GCLC: variants seen among roughly 807,000 people sequenced by gnomAD.
GCLC encodes the protein glutamate-cysteine ligase catalytic subunit, also known as glutamate--cysteine ligase catalytic subunit.
In GCLC, 30 loss-of-function variants were observed where a neutral mutation model predicts 81.5. The observed-to-expected ratio is 0.37, with a 90% CI of 0.28 to 0.50. GCLC has a LOEUF of 0.50. Among genes scored for constraint, GCLC ranks in the 20% least tolerant of loss-of-function variants. The pLI, the probability that GCLC is intolerant of heterozygous loss-of-function variation, is 0.96. For synonymous variants in GCLC, 262 were observed against 273.3 expected (o/e 0.96, Z 0.41); for missense variants, 556 against 777.4 (o/e 0.72, Z 3.39).
intron 1 of GCLC, among the ~76,000 whole-genome samples, chr6:53,537,283 A>C (rs1381487981): frequency 3.9e-5 from 6 of 151,998 alleles, no homozygotes; most frequent in Non-Finnish European, 8.9e-5. Flanking sequence ...GGGGGTGGGT[A>C]GGGGTTAACG....
At chr6:53,543,502 C>T (rs556291991) in intron 1 of GCLC, among the ~76,000 whole-genome samples, 3 of 151,284 alleles carry the variant, frequency 2.0e-5, no homozygotes, top group South Asian at 4.2e-4. Context: ...TGTAACAGCA[C>T]GTCAGCACTT....
At chr6:53,525,056 A>G (rs1408518134) in intron 1 of GCLC, among the ~76,000 whole-genome samples, 1 of 152,264 alleles carries the variant, frequency 6.6e-6, no homozygotes, top group African/African-American at 2.4e-5. Context: ...AAAACATCAG[A>G]ATATTTACCA....
chr6:53,535,419 C>T (rs1763241716), intron 1 of GCLC, among the ~76,000 whole-genome samples: 1 of 152,062 alleles, frequency 6.6e-6, no homozygotes, highest in African/African-American at 2.4e-5. Context: ...GAGGCTGAAG[C>T]AGGAGAATCA....
At chr6:53,541,680 T>C (rs1383872970) in intron 1 of GCLC, among the ~76,000 whole-genome samples, 1 of 152,006 alleles carries the variant, frequency 6.6e-6, no homozygotes, top group African/African-American at 2.4e-5. Context: ...AAAGGATAGA[T>C]CATAAAACAG....
intron 3 of GCLC, 25 bp from the exon 4 acceptor site, chr6:53,516,247 A>G (rs751248766): frequency 3.9e-5 from 54 of 1,385,624 alleles, no homozygotes; most frequent in Admixed American, 2.3e-4. Flanking sequence ...AGAACTAAAT[A>G]GATGGGATTT....
intron 1 of GCLC, among the ~76,000 whole-genome samples, chr6:53,539,474 C>A (rs572391860): frequency 6.6e-6 from 1 of 152,300 alleles, no homozygotes; most frequent in South Asian, 2.1e-4. Context: ...TGGATGAGAA[C>A]ACAAACTGAA....
chr6:53,515,997 G>C (rs1764863700), intron 4 of GCLC, 112 bp downstream of exon 4: 8 of 714,386 alleles, frequency 1.1e-5, no homozygotes, highest in Middle Eastern at 2.6e-4. Flanking sequence ...CTTAGGAAGA[G>C]AGCCAAAACT....
Position 53,498,898 on chromosome 6 carries a change from C to T in GCLC, c.1772G>A (p.Ser591Asn), listed in dbSNP as rs755261110. 12 of 1,613,052 alleles carry T rather than the reference C, an allele frequency of 7.4e-6. No individual in the cohort carries two copies. In the South Asian group the frequency reaches 1.1e-4, roughly 15 times the overall value. Residue 591 changes from serine to asparagine, a missense_variant, in exon 16 of 16, where the codon AGT becomes AAT. This residue lies in a region of GCLC where 313 missense variants were observed against 437.3 expected (regional missense o/e 0.72). Transcript: ENST00000650454. ...ATAATTCATTTCATCAGTTATGACA[C>T]TGTCTTGCTTGTAGTCAGGATGGTT... ...IANHPDYKQD[S>N]VITDEMNYSL...
At position 53,544,600 on chromosome 6, in the gene GCLC, T is replaced by C. The variant is rs1462930716; in HGVS notation, c.46A>G (p.Lys16Glu). The C allele has an allele frequency of 6.2e-7, 1 of 1,604,096 alleles. No homozygotes were observed. Among genetic ancestry groups the C allele is most frequent in the Non-Finnish European group, 8.5e-7 (1 of 1,179,566 alleles). ...CGCCGCACGTGGTCGGCATGGCGCT[T>C]GGTTTCCTCCCAGCTCAGCGGCGAG... ...QGSPLSWEETKRHADHVRRHG... is the reference protein window; with the variant it reads ...QGSPLSWEETERHADHVRRHG... Residue 16 changes from lysine (K) to glutamate (E), a missense_variant, in exon 1 of 16, where the codon AAG (lysine) becomes GAG (glutamate). This residue lies in a region of GCLC where 234 missense variants were observed against 303.8 expected (regional missense o/e 0.77). Coordinates refer to ENST00000650454, the MANE Select transcript of GCLC (RefSeq NM_001498.4).
intron 1 of GCLC, among the ~76,000 whole-genome samples, chr6:53,532,120 T>C (rs1010371025): frequency 3.2e-4 from 48 of 152,252 alleles, no homozygotes; most frequent in African/African-American, 1.2e-3. Context: ...CTTTCTAAAA[T>C]TGACTATCTG....
chr6:53,516,620 T>C (rs1191212774), intron 3 of GCLC, among the ~76,000 whole-genome samples: 2 of 152,120 alleles, frequency 1.3e-5, no homozygotes, highest in Non-Finnish European at 2.9e-5. Flanking sequence ...TCCTTTTCCA[T>C]CTCTAAACTC....
chr6:53,531,517 A>G (rs1561949973), intron 1 of GCLC, among the ~76,000 whole-genome samples: 1 of 152,148 alleles, frequency 6.6e-6, no homozygotes, highest in Non-Finnish European at 1.5e-5. Flanking sequence ...TCCCTCCTAA[A>G]GAGCATTAGG....
chr6:53,535,700 G>A (rs538728439), intron 1 of GCLC, among the ~76,000 whole-genome samples: 5 of 152,016 alleles, frequency 3.3e-5, no homozygotes, highest in South Asian at 2.1e-4. Context: ...ATGACAAATC[G>A]GCACATAAAA....
In GCLC at chr6:53,507,563, C is replaced by T. The variant is rs748005116; in HGVS notation, c.1001G>A (p.Ser334Asn). The T allele has an allele frequency of 1.9e-6, 3 of 1,585,172 alleles. No individual in the cohort carries two copies. The South Asian group carries it at 3.3e-5, about 18-fold the overall frequency. The change falls in exon 9 of 16, where the codon AGC becomes AAC. Residue 334 changes from serine to asparagine, a missense_variant. Ser to Asn is a conservative substitution (Grantham distance 46). Around this residue, in one of 3 missense-constraint regions of GCLC, gnomAD observed 313 missense variants for 437.3 expected, o/e 0.72. Transcript: ENST00000650454. ...TTTCTCACCACACTTAGATAAATAG[C>T]TGTCTATTGAGTCATATCGGGATTT... ...ISKSRYDSID[S>N]YLSKCGEKYN... is the part of the protein sequence containing the mutation.
intron 1 of GCLC, among the ~76,000 whole-genome samples, chr6:53,536,382 T>G (rs1254714214): frequency 1.3e-5 from 2 of 152,234 alleles, no homozygotes; most frequent in Non-Finnish European, 1.5e-5. Flanking sequence ...GGTGATTTTA[T>G]GATGTATACA....
At chr6:53,544,470 C>T (rs746084068) in intron 1 of GCLC, 26 bp downstream of exon 1, 6 of 1,602,682 alleles carry the variant, frequency 3.7e-6, no homozygotes, top group Non-Finnish European at 5.1e-6. Context: ...GGGTGCCCGG[C>T]GGGGACGGGG....
At chr6:53,541,134 T>G (rs1017818341) in intron 1 of GCLC, among the ~76,000 whole-genome samples, 15 of 152,126 alleles carry the variant, frequency 9.9e-5, no homozygotes, top group African/African-American at 3.4e-4. Flanking sequence ...GAGAATCACT[T>G]GAACTCTGGG....
chr6:53,514,455 A>G lies in GCLC; in HGVS notation c.603T>C (p.Val201=). 1 of 1,613,264 alleles carries G rather than the reference A, an allele frequency of 6.2e-7. No individual in the cohort carries two copies. The highest frequency in any genetic ancestry group is 1.1e-5 in the South Asian group (1 of 91,066). Residue 201 remains valine, a synonymous_variant, in exon 5 of 16, where the codon GTT becomes GTC. Coordinates refer to ENST00000650454, the MANE Select transcript of GCLC (RefSeq NM_001498.4). Reference sequence around the variant, plus strand: ...TAGACTTACTTGGTACATTGATGACAACCTTTTCTCCTCTCCTATGTCGGA... The same window carrying G: ...TAGACTTACTTGGTACATTGATGACGACCTTTTCTCCTCTCCTATGTCGGA... ...RNIRHRRGEK[V]VINVPIFKDK...
At position 53,517,079 on chromosome 6, in the gene GCLC, A is replaced by ATTT. The variant is rs71546114; in HGVS notation, c.447-860_447-858dup. ...ACTAGCTCATATCTTTTAAAAAAAA[A>ATTT]TTTTTTTTTTTTTTTTTTTTTTTCT... On this transcript the variant is annotated intron_variant, in intron 3 of 15. Transcript: ENST00000650454. Among the ~76,000 whole-genome samples the ATTT allele has an allele frequency of 4.5e-3, 469 of 104,402 alleles. 13 individuals are homozygous for ATTT. The highest frequency in any genetic ancestry group is 0.018 in the African/African-American group (448 of 25,412). 68.5% of individuals were successfully genotyped at this position (104,402 alleles called of 152,430 possible). A position where few individuals can be genotyped will look rare whatever the true frequency, so the allele number is the denominator to read the frequency against.
Sources: gnomAD v4.1 joint callset for allele counts (sites outside exome capture counted in the v4.1 genomes callset) on GRCh38, gnomAD v4.1.1 for gene constraint, gnomAD v4.1.1 regional missense constraint, MANE v1.5 for transcripts, NCBI Gene and HGNC (gene_info 2026-07-23, HGNC 2026-07-21) for gene names.